POT1: variants seen among roughly 807,000 people sequenced by gnomAD.
The protein encoded by POT1 is protection of telomeres protein 1.
Under a neutral mutation model 78.5 loss-of-function variants are expected in POT1, and 47 were observed. That is an observed-to-expected ratio of 0.60 (90% confidence interval 0.47 to 0.76). POT1 has a LOEUF of 0.76. Among genes scored for constraint, POT1 ranks in the 30% least tolerant of loss-of-function variants. The probability of loss-of-function intolerance (pLI) is 0.00; values close to 1 mark genes in which losing one functional copy is unlikely to be tolerated. For synonymous variants in POT1, 259 were observed against 260.7 expected (o/e 0.99, Z 0.06); for missense variants, 646 against 749.9 (o/e 0.86, Z 1.62).
intron 3 of POT1, 134 bp downstream of exon 3, chr7:124,915,440 T>C (rs1796993447): frequency 6.6e-6 from 1 of 152,148 alleles, no homozygotes; most frequent in South Asian, 2.1e-4. Context: ...CTAGAAGCAG[T>C]TAGCTACTGC....
intron 2 of POT1, among the ~76,000 whole-genome samples, chr7:124,919,648 C>A (rs893668801): frequency 1.3e-5 from 2 of 152,036 alleles, no homozygotes; most frequent in African/African-American, 2.4e-5. Context: ...GAAGACACAG[C>A]GAGAAGGTGA....
At chr7:124,824,860 T>G (rs201292550) in intron 18 of POT1, among the ~76,000 whole-genome samples, 1 of 60,140 alleles carries the variant, frequency 1.7e-5, no homozygotes, top group African/African-American at 4.6e-5. Context: ...TGAAACTAGT[T>G]AACAATAAAT....
intron 7 of POT1, 22 bp downstream of exon 7, chr7:124,870,889 T>C (rs1795850803): frequency 6.3e-7 from 1 of 1,584,818 alleles, no homozygotes; most frequent in East Asian, 2.3e-5. Context: ...TAAATATAAG[T>C]TCTAGACAAT....
intron 3 of POT1, among the ~76,000 whole-genome samples, chr7:124,898,941 T>C (rs1796556650): frequency 6.6e-6 from 1 of 152,204 alleles, no homozygotes; most frequent in African/African-American, 2.4e-5. Context: ...CCTTTTCTTA[T>C]TTTCCAAATA....
At chr7:124,861,407 T>G (rs1046101636) in intron 8 of POT1, among the ~76,000 whole-genome samples, 1 of 152,190 alleles carries the variant, frequency 6.6e-6, no homozygotes, top group Non-Finnish European at 1.5e-5. Flanking sequence ...TGTCTTCTTT[T>G]GAGAAGTGTC....
At chr7:124,831,905 G>A (rs531996506) in intron 15 of POT1, among the ~76,000 whole-genome samples, 278 of 149,596 alleles carry the variant, frequency 1.9e-3, no homozygotes, top group Non-Finnish European at 2.5e-3. Context: ...TTTAATCCAA[G>A]TTTGGAAAAG....
intron 7 of POT1, among the ~76,000 whole-genome samples, chr7:124,869,167 C>T (rs1795803785): frequency 6.6e-6 from 1 of 152,060 alleles, no homozygotes. Flanking sequence ...TTTGTGTATA[C>T]AAATTGTTGA....
chr7:124,892,876 C>T (rs768838522), intron 5 of POT1: 2 of 151,320 alleles, frequency 1.3e-5, no homozygotes, highest in Admixed American at 1.3e-4. Flanking sequence ...CAAGAAAATA[C>T]TTTTTTTTAA....
At chr7:124,917,359 C>A (rs1368612546) in intron 2 of POT1, among the ~76,000 whole-genome samples, 2 of 152,132 alleles carry the variant, frequency 1.3e-5, no homozygotes, top group African/African-American at 4.8e-5. Context: ...TCTCGTCAAC[C>A]ATCTCCGATC....
rs6466957 is a variant in POT1 at position 124,890,536 on chromosome 7, G to T, written c.124+1730C>A. ...TGTTACAAAGAAATCTTTTGTAAAA[G>T]GAAGAGTCAATTGATATGAGAAACT... is the stretch of plus-strand genomic sequence containing the variant. On this transcript the variant is annotated intron_variant, in intron 6 of 18. Transcript: ENST00000357628. Among the ~76,000 whole-genome samples, 1,170 of 151,928 alleles carry T rather than the reference G, an allele frequency of 7.7e-3. 22 individuals are homozygous for T. Among genetic ancestry groups the T allele is most frequent in the African/African-American group, 0.026 (1,096 of 41,512 alleles).
chr7:124,918,373 G>C lies in POT1; in HGVS notation c.-226-2727C>G, dbSNP rs141573723. On this transcript the variant is annotated intron_variant, in intron 2 of 18. Coordinates refer to ENST00000357628, the MANE Select transcript of POT1 (RefSeq NM_015450.3). ...GGGGACCAACAATTATAAACTGTTTGTTTTCAGGGGTAGCATGTGTGCCAC... is the reference window on the plus strand; with the variant it reads ...GGGGACCAACAATTATAAACTGTTTCTTTTCAGGGGTAGCATGTGTGCCAC... 6.6e-5 allele frequency among the ~76,000 whole-genome samples: 10 copies of C among 152,268 alleles called. No homozygotes were observed. In the East Asian group the frequency reaches 1.9e-3, roughly 29 times the overall value.
At chr7:124,894,819 T>G (rs1584793550) in intron 5 of POT1, among the ~76,000 whole-genome samples, 1 of 151,444 alleles carries the variant, frequency 6.6e-6, no homozygotes, top group Non-Finnish European at 1.5e-5. Context: ...GTGTAGTTAG[T>G]AGGAGAATGG....
intron 6 of POT1, among the ~76,000 whole-genome samples, chr7:124,884,074 A>G (rs1429545461): frequency 6.6e-6 from 1 of 152,058 alleles, no homozygotes; most frequent in Non-Finnish European, 1.5e-5. Context: ...ATATTCATTT[A>G]ATGTGCAACC....
At chr7:124,828,937 A>G (rs1010002363) in intron 16 of POT1, 1 of 600,460 alleles carries the variant, frequency 1.7e-6, no homozygotes, top group Non-Finnish European at 3.2e-6. Flanking sequence ...TTGGCCAAAC[A>G]ACATCTGCAG....
At chr7:124,924,360 A>G (rs1053679763) in intron 2 of POT1, among the ~76,000 whole-genome samples, 36 of 152,188 alleles carry the variant, frequency 2.4e-4, no homozygotes, top group African/African-American at 8.7e-4. Context: ...CTATATGCCC[A>G]TAAACTAGAA....
chr7:124,908,294 A>G (rs1796812288), intron 3 of POT1, among the ~76,000 whole-genome samples: 1 of 152,046 alleles, frequency 6.6e-6, no homozygotes, highest in Admixed American at 6.6e-5. Flanking sequence ...AATGTATTTC[A>G]TGAGCATTTG....
At chr7:124,914,809 A>T (rs1048937696) in intron 3 of POT1, among the ~76,000 whole-genome samples, 1 of 152,204 alleles carries the variant, frequency 6.6e-6, no homozygotes, top group African/African-American at 2.4e-5. Context: ...TTGAGCATCC[A>T]CAGATTTTTA....
At chr7:124,910,929 A>G (rs990756846) in intron 3 of POT1, among the ~76,000 whole-genome samples, 3 of 152,014 alleles carry the variant, frequency 2.0e-5, no homozygotes, top group Non-Finnish European at 2.9e-5. Context: ...ATACAAATAT[A>G]ATGTACACAC....
intron 14 of POT1, 46 bp downstream of exon 14, chr7:124,840,927 T>C: frequency 7.1e-7 from 1 of 1,415,186 alleles, no homozygotes; most frequent in Non-Finnish European, 9.9e-7. Flanking sequence ...TTAGGAAAAA[T>C]ATGCAAAAGG....
Sources: gnomAD v4.1 joint callset for allele counts (sites outside exome capture counted in the v4.1 genomes callset) on GRCh38, gnomAD v4.1.1 for gene constraint, MANE v1.5 for transcripts, NCBI Gene and HGNC (gene_info 2026-07-23, HGNC 2026-07-21) for gene names.